The following EGFLAM variants were observed in gnomAD, a reference collection of about 807,000 sequenced individuals.
EGFLAM encodes pikachurin.
EGFLAM carries 79 observed loss-of-function variants against 113.1 expected under a neutral mutation model. The observed-to-expected ratio is 0.70, with a 90% CI of 0.58 to 0.84. EGFLAM has a LOEUF of 0.84. EGFLAM is among the 40% of genes least tolerant of loss of function. EGFLAM has a pLI of 0.00. For synonymous variants in EGFLAM, 504 were observed against 487.6 expected (o/e 1.03, Z -0.44); for missense variants, 1,265 against 1,291.6 (o/e 0.98, Z 0.32).
intron 4 of EGFLAM, 81 bp from the exon 5 acceptor site, chr5:38,352,115 A>C (rs1178180905): frequency 1.9e-6 from 3 of 1,585,682 alleles, no homozygotes; most frequent in Non-Finnish European, 2.6e-6. Flanking sequence ...CCAATGGCTG[A>C]GACCACCAGC....
intron 1 of EGFLAM, among the ~76,000 whole-genome samples, chr5:38,325,400 G>C (rs952002045): frequency 2.0e-5 from 3 of 152,196 alleles, no homozygotes; most frequent in African/African-American, 7.2e-5. Context: ...TTGGGGAGAA[G>C]AGTAGTAACC....
intron 6 of EGFLAM, among the ~76,000 whole-genome samples, chr5:38,387,786 A>G (rs1273289872): frequency 2.6e-5 from 4 of 152,252 alleles, no homozygotes; most frequent in Non-Finnish European, 5.9e-5. Context: ...TTTCTTGGAC[A>G]CAGATTAATT....
chr5:38,262,949 C>T (rs991184285), intron 1 of EGFLAM, among the ~76,000 whole-genome samples: 4 of 152,120 alleles, frequency 2.6e-5, no homozygotes, highest in Admixed American at 1.3e-4. Context: ...ATACAATGTA[C>T]GAATGTTCTA....
intron 1 of EGFLAM, chr5:38,305,584 T>C (rs1719540980): frequency 3.0e-6 from 1 of 331,736 alleles, no homozygotes; most frequent in South Asian, 2.5e-5. Flanking sequence ...AAATATTTAC[T>C]AGATAGAAAA....
rs146936637 is a variant in EGFLAM at position 38,323,016 on chromosome 5, T to A, written c.98-14504T>A. Among the ~76,000 whole-genome samples, 290 of 152,346 alleles carry A rather than the reference T, an allele frequency of 1.9e-3. 1 individual carries two copies. The highest frequency in any genetic ancestry group is 6.6e-3 in the African/African-American group (273 of 41,586). ...CACATTCATAGTGCTGCTTTAATAA[T>A]AATAGTTGGAACAAGTTTCAAACAG... On this transcript the variant is annotated intron_variant, in intron 1 of 21. Transcript: ENST00000322350.
intron 17 of EGFLAM, among the ~76,000 whole-genome samples, chr5:38,438,882 C>G (rs1742444335): frequency 6.6e-6 from 1 of 152,174 alleles, no homozygotes; most frequent in Admixed American, 6.5e-5. Context: ...TAAGAGAAAC[C>G]TTGCCCAAAT....
chr5:38,366,919 G>A (rs1053714464), intron 5 of EGFLAM, among the ~76,000 whole-genome samples: 3 of 152,170 alleles, frequency 2.0e-5, no homozygotes, highest in Non-Finnish European at 4.4e-5. Flanking sequence ...CCAATGGTAA[G>A]TGGCAAAATG....
At chr5:38,417,359 A>C (rs866018704) in intron 11 of EGFLAM, among the ~76,000 whole-genome samples, 11 of 149,380 alleles carry the variant, frequency 7.4e-5, no homozygotes, top group South Asian at 2.1e-4. Flanking sequence ...AAAAAAAAAA[A>C]AAAAAAAAAA....
chr5:38,381,686 G>A (rs967243772), intron 6 of EGFLAM, among the ~76,000 whole-genome samples: 12 of 152,262 alleles, frequency 7.9e-5, no homozygotes, highest in African/African-American at 2.9e-4. Flanking sequence ...TAACCTCATA[G>A]GGTAAAATTT....
rs892451988 is a variant in EGFLAM at position 38,321,450 on chromosome 5, T to C, written c.98-16070T>C. 3.9e-5 allele frequency among the ~76,000 whole-genome samples: 6 copies of C among 152,172 alleles called. 1 individual carries two copies. Among genetic ancestry groups the C allele is most frequent in the Non-Finnish European group, 8.8e-5 (6 of 68,032 alleles). ...GAACAGTACTGATCCATGGCCCCTG[T>C]GATGTAAGAAGTGAGCTTGAGTTGG... On this transcript the variant is annotated intron_variant, in intron 1 of 21. Transcript: ENST00000322350.
chr5:38,462,863 A>G, intron 20 of EGFLAM, 45 bp from the exon 21 acceptor site: 1 of 1,606,746 alleles, frequency 6.2e-7, no homozygotes, highest in Non-Finnish European at 8.5e-7. Flanking sequence ...AATGAACTCC[A>G]AAAATGCCAG....
At chr5:38,376,852 G>A (rs1459818328) in intron 6 of EGFLAM, among the ~76,000 whole-genome samples, 1 of 151,990 alleles carries the variant, frequency 6.6e-6, no homozygotes, top group Non-Finnish European at 1.5e-5. Context: ...TGTATTTTTT[G>A]TAGAGACAAG....
At chr5:38,381,478 A>T (rs1436154675) in intron 6 of EGFLAM, among the ~76,000 whole-genome samples, 1 of 152,234 alleles carries the variant, frequency 6.6e-6, no homozygotes, top group Non-Finnish European at 1.5e-5. Context: ...GCAGGAGAAA[A>T]GATGACTTTT....
intron 5 of EGFLAM, among the ~76,000 whole-genome samples, chr5:38,352,836 A>G (rs1114175): frequency 0.41 from 62,313 of 152,008 alleles, 15,001 homozygotes; most frequent in African/African-American, 0.68. Context: ...TGGTAAACCT[A>G]TCTGTATCAC....
At chr5:38,260,826 C>T (rs1055671778) in intron 1 of EGFLAM, among the ~76,000 whole-genome samples, 24 of 152,098 alleles carry the variant, frequency 1.6e-4, no homozygotes, top group South Asian at 2.1e-4. Context: ...GTTTTTGATC[C>T]GGAAAATTGG....
intron 1 of EGFLAM, among the ~76,000 whole-genome samples, chr5:38,282,030 G>T (rs186222291): frequency 5.9e-5 from 9 of 152,140 alleles, no homozygotes; most frequent in Non-Finnish European, 1.0e-4. Context: ...TAAAGGGAAA[G>T]ATCACTGTAA....
At position 38,383,992 on chromosome 5, in the gene EGFLAM, T is replaced by C. The variant is rs1740590545; in HGVS notation, c.712+13530T>C. Among the ~76,000 whole-genome samples, 5 of 152,172 alleles carry C rather than the reference T, an allele frequency of 3.3e-5. 1 individual carries two copies. Among genetic ancestry groups the C allele is most frequent in the Admixed American group, 2.6e-4 (4 of 15,300 alleles). ...AGAGCGTGTCAAATCTTATAGGTCCTGATGAAGACTTTGAATCTTATTCAA... is the reference window on the plus strand; with the variant it reads ...AGAGCGTGTCAAATCTTATAGGTCCCGATGAAGACTTTGAATCTTATTCAA... On this transcript the variant is annotated intron_variant, in intron 6 of 21. Coordinates refer to ENST00000322350, the MANE Select transcript of EGFLAM (RefSeq NM_152403.4).
At chr5:38,390,943 T>C (rs1317628096) in intron 6 of EGFLAM, among the ~76,000 whole-genome samples, 1 of 152,144 alleles carries the variant, frequency 6.6e-6, no homozygotes, top group Non-Finnish European at 1.5e-5. Flanking sequence ...TGTAAGTCTG[T>C]GACTTATCTT....
At chr5:38,390,454 G>T (rs1274509442) in intron 6 of EGFLAM, among the ~76,000 whole-genome samples, 1 of 152,126 alleles carries the variant, frequency 6.6e-6, no homozygotes, top group East Asian at 1.9e-4. Context: ...ATATTACAAT[G>T]AACAGTCTTG....
Sources: gnomAD v4.1 joint callset for allele counts (sites outside exome capture counted in the v4.1 genomes callset) on GRCh38, gnomAD v4.1.1 for gene constraint, MANE v1.5 for transcripts, NCBI Gene and HGNC (gene_info 2026-07-23, HGNC 2026-07-21) for gene names.